ATP7A: variants seen among roughly 807,000 people sequenced by gnomAD.
ATP7A encodes the protein copper-transporting ATPase 1.
ATP7A carries 7 observed loss-of-function variants against 83.5 expected under a neutral mutation model. The observed-to-expected ratio is 0.08, with a 90% confidence interval of 0.05 to 0.16. The LOEUF (loss-of-function observed/expected upper bound fraction) is 0.16. Ranked by LOEUF, ATP7A falls within the 10% of genes least tolerant of loss-of-function variation. ATP7A has a pLI of 1.00. For synonymous variants in ATP7A, 354 were observed against 395.2 expected, an observed-to-expected ratio of 0.90 and a Z score of 1.24; for missense variants, 940 against 1,120.8, an observed-to-expected ratio of 0.84 and a Z score of 2.30.
In ATP7A at chrX:78,034,681, C is replaced by A. The variant is rs139239495; in HGVS notation, c.3511+860C>A. 2.0e-4 allele frequency among the ~76,000 whole-genome samples: 22 copies of A among 110,999 alleles called. No homozygotes were observed. The East Asian group carries it at 5.1e-3, about 26-fold the overall frequency. ...ATTTGACAATGTTGACCATCCCTTC[C>A]TTCCTAAAGGATGATTCCATGACCC... On this transcript the variant is annotated intron_variant, in intron 17 of 22. Transcript: ENST00000341514.
Position 77,920,282 on chromosome X carries a change from C to A in ATP7A, c.-22+9447C>A, listed in dbSNP as rs183042611. Reference sequence around the variant, plus strand: ...CCAGGCTGGAGTGCAGTGGTGTGATCTCGGCTCACTGCAAGCTCTGCCTCT... The same window carrying A: ...CCAGGCTGGAGTGCAGTGGTGTGATATCGGCTCACTGCAAGCTCTGCCTCT... On this transcript the variant is annotated intron_variant, in intron 1 of 22. Transcript: ENST00000341514. Among the ~76,000 whole-genome samples, 15 of 105,214 alleles carry A rather than the reference C, an allele frequency of 1.4e-4. No individual in the cohort carries two copies. The East Asian group carries it at 3.6e-3, about 25-fold the overall frequency. 91.4% of individuals were successfully genotyped at this position (105,214 alleles called of 115,157 possible).
intron 1 of ATP7A, chrX:77,969,698 C>T: frequency 2.5e-6 from 3 of 1,184,331 alleles, no homozygotes; most frequent in Non-Finnish European, 3.4e-6. Flanking sequence ...AGGTTATACG[C>T]TGAAAATTCT....
chrX:78,009,034 A>G, intron 6 of ATP7A, 68 bp from the exon 7 acceptor site: 6 of 1,099,046 alleles, frequency 5.5e-6, no homozygotes, highest in Non-Finnish European at 7.4e-6. Flanking sequence ...AAAAAAAAAA[A>G]AGTGGTAACT....
chrX:77,965,489 T>C (rs1557228608), intron 1 of ATP7A: 1 of 304,566 alleles, frequency 3.3e-6, no homozygotes. Flanking sequence ...CCTGCTAGGA[T>C]GGGTAGAATA....
intron 1 of ATP7A, among the ~76,000 whole-genome samples, chrX:77,933,178 A>G (rs1423911633): frequency 8.9e-6 from 1 of 111,754 alleles, no homozygotes; most frequent in African/African-American, 3.3e-5. Context: ...GAAACAGATG[A>G]TGTTATGATC....
chrX:77,964,766 C>T (rs782392295), intron 1 of ATP7A: 12 of 111,511 alleles, frequency 1.1e-4, no homozygotes, highest in African/African-American at 1.6e-4. Context: ...TTTATGGCTG[C>T]GGAGTATTCC....
At chrX:78,003,413 G>T (rs1407159831) in intron 6 of ATP7A, among the ~76,000 whole-genome samples, 177 bp downstream of exon 6, 1 of 110,627 alleles carries the variant, frequency 9.0e-6, no homozygotes, top group African/African-American at 3.3e-5. Context: ...AATTTAAAAA[G>T]ATAATTGTCG....
intron 2 of ATP7A, among the ~76,000 whole-genome samples, chrX:77,978,190 T>G (rs1557230533): frequency 4.5e-5 from 5 of 112,010 alleles, no homozygotes. Flanking sequence ...GATATTGGAA[T>G]GGCCATGAGC....
At chrX:78,012,081 C>A (rs1557234626) in intron 9 of ATP7A, among the ~76,000 whole-genome samples, 1 of 110,429 alleles carries the variant, frequency 9.1e-6, no homozygotes, top group Non-Finnish European at 1.9e-5. Flanking sequence ...GTAGCTGGGA[C>A]TTCCAGGCAC....
chrX:77,932,729 C>A lies in ATP7A; in HGVS notation c.-22+21894C>A, dbSNP rs923427851. ...ACCAGCCCGGCCAACACAGCGAAACCCCGTCTCCACGAAAAAAGTATGAAA... is the reference window on the plus strand; with the variant it reads ...ACCAGCCCGGCCAACACAGCGAAACACCGTCTCCACGAAAAAAGTATGAAA... On this transcript the variant is annotated intron_variant, in intron 1 of 22. Coordinates refer to ENST00000341514, the MANE Select transcript of ATP7A (RefSeq NM_000052.7). Among the ~76,000 whole-genome samples, 6 of 112,839 alleles carry A rather than the reference C, an allele frequency of 5.3e-5. No homozygotes were observed. In the East Asian group the frequency reaches 1.7e-3, roughly 32 times the overall value.
At chrX:77,940,570 C>G (rs926265050) in intron 1 of ATP7A, among the ~76,000 whole-genome samples, 1 of 110,943 alleles carries the variant, frequency 9.0e-6, no homozygotes, top group Non-Finnish European at 1.9e-5. Flanking sequence ...GAAGGCCTTC[C>G]AAAGCCTGAC....
chrX:78,003,091 T>C lies in ATP7A; in HGVS notation c.1562T>C (p.Val521Ala). The C allele has an allele frequency of 1.7e-6, 2 of 1,209,583 alleles. No individual in the cohort carries two copies. Among genetic ancestry groups the C allele is most frequent in the Non-Finnish European group, 2.2e-6 (2 of 893,559 alleles). ...RREEGIYSIL[V>A]ALMAGKAEVR... Reference sequence around the variant, plus strand: ...CTCTTAGGAATATATTCTATACTTGTGGCCCTGATGGCTGGCAAGGCAGAA... The same window carrying C: ...CTCTTAGGAATATATTCTATACTTGCGGCCCTGATGGCTGGCAAGGCAGAA... Residue 521 changes from valine to alanine, a missense_variant, in exon 6 of 23, where the codon GTG becomes GCG. Val to Ala is a moderately conservative substitution (Grantham distance 64, BLOSUM62 0). Transcript: ENST00000341514.
chrX:77,912,919 C>T (rs1312404662), intron 1 of ATP7A, among the ~76,000 whole-genome samples: 2 of 111,308 alleles, frequency 1.8e-5, no homozygotes, highest in Non-Finnish European at 3.8e-5. Context: ...CTAATCCCTC[C>T]AAAGGATAGG....
intron 19 of ATP7A, among the ~76,000 whole-genome samples, chrX:78,041,420 C>T (rs1432796059): frequency 9.1e-6 from 1 of 109,396 alleles, no homozygotes; most frequent in East Asian, 2.9e-4. Flanking sequence ...GGATTACATG[C>T]ATACACCACC....
intron 1 of ATP7A, among the ~76,000 whole-genome samples, chrX:77,965,695 A>G (rs2077501102): frequency 8.9e-6 from 1 of 112,046 alleles, no homozygotes; most frequent in Admixed American, 9.5e-5. Context: ...TTGTACATGA[A>G]TGTTTATAGC....
chrX:78,009,145 C>G lies in ATP7A; in HGVS notation c.1751C>G (p.Ser584Cys), dbSNP rs2077799211. 1 of 1,207,837 alleles carries G rather than the reference C, an allele frequency of 8.3e-7. No homozygotes were observed. The highest frequency in any genetic ancestry group is 1.8e-5 in the African/African-American group (1 of 56,887). Residue 584 changes from serine (S) to cysteine (C), a missense_variant, in exon 7 of 23, where the codon TCT becomes TGT. Around this residue, in one of 3 missense-constraint regions of ATP7A, gnomAD observed 350 missense variants for 432.8 expected, o/e 0.81. Transcript: ENST00000341514. Reference sequence around the variant, plus strand: ...GCCTCCTGCGTACATAAAATAGAGTCTAGTCTCACAAAACACAGAGGGATC... The same window carrying G: ...GCCTCCTGCGTACATAAAATAGAGTGTAGTCTCACAAAACACAGAGGGATC... The part of the protein sequence containing the change: ...TCASCVHKIE[S>C]SLTKHRGILY...
intron 2 of ATP7A, among the ~76,000 whole-genome samples, chrX:77,986,048 T>C (rs1429403678): frequency 8.9e-6 from 1 of 112,236 alleles, no homozygotes; most frequent in Non-Finnish European, 1.9e-5. Context: ...ATGTCTCAAC[T>C]ATACGTGGTT....
chrX:77,971,910 T>G, intron 2 of ATP7A, 149 bp downstream of exon 2: 1 of 636,161 alleles, frequency 1.6e-6, no homozygotes, highest in Non-Finnish European at 2.4e-6. Flanking sequence ...ATAAGTTTTC[T>G]TTGACCCATT....
intron 12 of ATP7A, among the ~76,000 whole-genome samples, chrX:78,017,778 T>C (rs1420825174): frequency 1.2e-5 from 1 of 81,213 alleles, no homozygotes; most frequent in Non-Finnish European, 2.3e-5. Context: ...TTTTTTTTTT[T>C]TTTTTTTTTT....
Sources: allele counts gnomAD v4.1 joint callset (sites outside exome capture counted in the v4.1 genomes callset), GRCh38; gene constraint gnomAD v4.1.1; regional missense constraint gnomAD v4.1.1; transcripts MANE v1.5; gene names NCBI Gene and HGNC (gene_info 2026-07-23, HGNC 2026-07-21).